Variants in ACTR3C observed in about 807,000 individuals in gnomAD.
ACTR3C encodes the protein actin related protein 3C, also known as actin-related protein 3C.
Under a neutral mutation model 26.3 loss-of-function variants are expected in ACTR3C, and 18 were observed. The ratio of observed to expected loss-of-function variants is 0.68; its 90% confidence interval spans 0.47 to 1.01. The LOEUF is 1.01. ACTR3C is among the 50% of genes least tolerant of loss of function. The pLI, the probability that ACTR3C is intolerant of heterozygous loss-of-function variation, is 0.00. For synonymous variants in ACTR3C, 55 were observed against 94.5 expected (o/e 0.58, Z 2.42); for missense variants, 184 against 250.7 (o/e 0.73, Z 1.80).
chr7:150,057,271 A>G, the ACTR3C span, among the ~76,000 whole-genome samples: 10 of 140,138 alleles, frequency 7.1e-5, no homozygotes, highest in Non-Finnish European at 1.4e-4. Flanking sequence ...ATCTTGGAAT[A>G]GGTCCTTTTT....
chr7:150,062,461 T>C, the ACTR3C span, among the ~76,000 whole-genome samples: 1 of 146,886 alleles, frequency 6.8e-6, no homozygotes. Context: ...TCCTTTGCTG[T>C]TCATAACCAG....
the ACTR3C span, among the ~76,000 whole-genome samples, chr7:150,181,600 G>GA: frequency 2.8e-5 from 4 of 145,018 alleles, no homozygotes; most frequent in Non-Finnish European, 5.9e-5. Flanking sequence ...CACTGTCTCA[G>GA]AAAAAAAAGT....
chr7:150,308,256 C>T (rs758604295), intron 1 of ACTR3C, among the ~76,000 whole-genome samples: 3 of 152,094 alleles, frequency 2.0e-5, no homozygotes, highest in Non-Finnish European at 4.4e-5. Context: ...TTCCACCCTC[C>T]ATTCCTCCTT....
intron 1 of ACTR3C, among the ~76,000 whole-genome samples, chr7:150,316,935 T>C (rs1271185161): frequency 6.6e-6 from 1 of 152,242 alleles, no homozygotes; most frequent in Non-Finnish European, 1.5e-5. Flanking sequence ...GTCTTCTTTT[T>C]GTTGTCTTTA....
chr7:150,149,975 A>C, the ACTR3C span, among the ~76,000 whole-genome samples: 1 of 152,184 alleles, frequency 6.6e-6, no homozygotes, highest in Non-Finnish European at 1.5e-5. Context: ...CACAGAACTG[A>C]AGCTTGATAA....
chr7:150,080,391 G>A, the ACTR3C span, among the ~76,000 whole-genome samples: 434 of 151,260 alleles, frequency 2.9e-3, 2 homozygotes, highest in African/African-American at 9.7e-3. Context: ...TCCCCACAGA[G>A]ATGCTCTATC....
At chr7:150,281,454 G>C (rs1371369551) in intron 6 of ACTR3C, among the ~76,000 whole-genome samples, 2 of 150,276 alleles carry the variant, frequency 1.3e-5, no homozygotes. Flanking sequence ...CGTCAGTGCA[G>C]CTTCACTGCT....
chr7:149,926,031 C>G, the ACTR3C span, among the ~76,000 whole-genome samples: 2 of 151,878 alleles, frequency 1.3e-5, no homozygotes, highest in African/African-American at 4.8e-5. Flanking sequence ...CCGCCGCACT[C>G]TAGCATGGGC....
chr7:149,935,977 C>T, the ACTR3C span, among the ~76,000 whole-genome samples: 1 of 151,760 alleles, frequency 6.6e-6, no homozygotes, highest in Admixed American at 6.6e-5. Flanking sequence ...TATGCACAGT[C>T]ACCCCCAAAA....
the ACTR3C span, among the ~76,000 whole-genome samples, chr7:150,141,312 C>T: frequency 6.6e-6 from 1 of 152,194 alleles, no homozygotes; most frequent in African/African-American, 2.4e-5. Context: ...AATTAGGGGA[C>T]TCCTAGTTTG....
chr7:150,134,180 C>T, the ACTR3C span, among the ~76,000 whole-genome samples: 2 of 146,192 alleles, frequency 1.4e-5, no homozygotes, highest in Non-Finnish European at 3.0e-5. Flanking sequence ...ACGTTGTGCA[C>T]ATATACTATA....
At chr7:149,990,074 C>T in the ACTR3C span, among the ~76,000 whole-genome samples, 1 of 152,196 alleles carries the variant, frequency 6.6e-6, no homozygotes. Flanking sequence ...TCCATCCCTC[C>T]CCACACGGGT....
At chr7:149,928,362 G>A in the ACTR3C span, among the ~76,000 whole-genome samples, 9 of 142,928 alleles carry the variant, frequency 6.3e-5, no homozygotes, top group Non-Finnish European at 1.1e-4. Context: ...CAGTGTGCCC[G>A]GCTAATTTTT....
the ACTR3C span, among the ~76,000 whole-genome samples, chr7:150,024,109 C>G: frequency 5.2e-4 from 79 of 151,048 alleles, no homozygotes; most frequent in Non-Finnish European, 8.4e-4. Flanking sequence ...ACGATCCCAG[C>G]GTCACAGACC....
the ACTR3C span, among the ~76,000 whole-genome samples, chr7:150,171,778 T>C: frequency 6.7e-6 from 1 of 150,168 alleles, no homozygotes; most frequent in African/African-American, 2.5e-5. Context: ...CTTACAAATA[T>C]TAAAAATAAA....
intron 6 of ACTR3C, among the ~76,000 whole-genome samples, chr7:150,281,616 CCA>C (rs1348531068): frequency 6.6e-6 from 1 of 151,612 alleles, no homozygotes; most frequent in Non-Finnish European, 1.5e-5. Flanking sequence ...AGTGACTCTT[CCA>C]CAGTCTTTCC....
At chr7:150,079,514 C>A in the ACTR3C span, among the ~76,000 whole-genome samples, 1 of 151,852 alleles carries the variant, frequency 6.6e-6, no homozygotes, top group African/African-American at 2.4e-5. Context: ...CCGCTGATGA[C>A]GGGATGGGTC....
chr7:150,069,514 G>A, the ACTR3C span, among the ~76,000 whole-genome samples: 8 of 152,314 alleles, frequency 5.3e-5, no homozygotes, highest in South Asian at 1.7e-3. Context: ...GTTAGTGGTG[G>A]CTTTCAGTGT....
intron 6 of ACTR3C, among the ~76,000 whole-genome samples, chr7:150,281,558 C>T (rs1835345863): frequency 6.6e-6 from 1 of 151,258 alleles, no homozygotes; most frequent in Admixed American, 6.6e-5. Flanking sequence ...TCAGCAGGAG[C>T]CCTAGAGTAG....
Sources: allele counts gnomAD v4.1 joint callset (sites outside exome capture counted in the v4.1 genomes callset), GRCh38; gene constraint gnomAD v4.1.1; transcripts MANE v1.5; gene names NCBI Gene and HGNC (gene_info 2026-07-23, HGNC 2026-07-21).